TSPAN5: variants seen among roughly 807,000 people sequenced by gnomAD.
TSPAN5 encodes tetraspanin-5.
A neutral mutation model predicts 37.1 loss-of-function variants in TSPAN5; 10 were observed. The ratio of observed to expected loss-of-function variants is 0.27; its 90% CI spans 0.17 to 0.46. The LOEUF is 0.46. Among genes scored for constraint, TSPAN5 ranks in the 20% least tolerant of loss-of-function variants. The pLI, the probability that TSPAN5 is intolerant of heterozygous loss-of-function variation, is 1.00. For synonymous variants in TSPAN5, 110 were observed against 118.9 expected (o/e 0.93, Z 0.48); for missense variants, 195 against 326.6 (o/e 0.60, Z 3.11).
At chr4:98,548,019 A>G (rs1560532353) in intron 1 of TSPAN5, among the ~76,000 whole-genome samples, 1 of 130,872 alleles carries the variant, frequency 7.6e-6, no homozygotes, top group Admixed American at 7.9e-5. Context: ...CTCAAAAAAA[A>G]AAAAAAAAGA....
chr4:98,514,304 C>A (rs1753683253), intron 1 of TSPAN5, among the ~76,000 whole-genome samples: 1 of 152,168 alleles, frequency 6.6e-6, no homozygotes, highest in African/African-American at 2.4e-5. Context: ...TTTTCTGACA[C>A]TTTAGTCTGA....
chr4:98,648,809 A>T (rs1353963261), intron 1 of TSPAN5, among the ~76,000 whole-genome samples: 1 of 152,236 alleles, frequency 6.6e-6, no homozygotes, highest in East Asian at 1.9e-4. Flanking sequence ...AAAACAAGCT[A>T]AAGCTTCTCA....
intron 1 of TSPAN5, among the ~76,000 whole-genome samples, chr4:98,611,745 C>T (rs1020948469): frequency 6.6e-6 from 1 of 152,208 alleles, no homozygotes; most frequent in Admixed American, 6.5e-5. Flanking sequence ...TGAGGTTTGT[C>T]CCAGGCAGGG....
intron 1 of TSPAN5, among the ~76,000 whole-genome samples, chr4:98,600,284 G>A (rs544639765): frequency 6.6e-6 from 1 of 152,108 alleles, no homozygotes; most frequent in Non-Finnish European, 1.5e-5. Context: ...GGTTGGGGTG[G>A]CTGTGGCAAT....
At chr4:98,613,866 C>T (rs909719094) in intron 1 of TSPAN5, among the ~76,000 whole-genome samples, 3 of 152,032 alleles carry the variant, frequency 2.0e-5, no homozygotes, top group Non-Finnish European at 2.9e-5. Context: ...AAAGATTCCC[C>T]CCCCAAAATG....
At chr4:98,563,467 T>C (rs1754922421) in intron 1 of TSPAN5, among the ~76,000 whole-genome samples, 1 of 152,176 alleles carries the variant, frequency 6.6e-6, no homozygotes, top group African/African-American at 2.4e-5. Context: ...TGCTTTCTCA[T>C]GGACATCTCA....
chr4:98,578,173 C>A (rs1194246828), intron 1 of TSPAN5, among the ~76,000 whole-genome samples: 1 of 152,140 alleles, frequency 6.6e-6, no homozygotes, highest in African/African-American at 2.4e-5. Context: ...CAGGACACAG[C>A]CCAAGTCTCA....
At chr4:98,657,322 T>C (rs1757313461) in intron 1 of TSPAN5, among the ~76,000 whole-genome samples, 1 of 152,176 alleles carries the variant, frequency 6.6e-6, no homozygotes, top group South Asian at 2.1e-4. Context: ...ATTTGCTCTC[T>C]CGGTTCCCCA....
At chr4:98,529,870 G>C (rs1428959039) in intron 1 of TSPAN5, among the ~76,000 whole-genome samples, 1 of 152,156 alleles carries the variant, frequency 6.6e-6, no homozygotes, top group Non-Finnish European at 1.5e-5. Context: ...TTTTGGCTTT[G>C]AGACCAAAAA....
chr4:98,632,347 AC>A (rs1477715742), intron 1 of TSPAN5, among the ~76,000 whole-genome samples: 1 of 151,864 alleles, frequency 6.6e-6, no homozygotes, highest in African/African-American at 2.4e-5. Context: ...CTCCCCTCTG[AC>A]CCCCCGACCC....
rs146273158 is a variant in TSPAN5 at position 98,557,041 on chromosome 4, T to C, written c.82-49313A>G. Among the ~76,000 whole-genome samples the C allele has an allele frequency of 9.8e-5, 15 of 152,320 alleles. No homozygotes were observed. In the East Asian group the frequency reaches 1.9e-3, roughly 20 times the overall value. On this transcript the variant is annotated intron_variant, in intron 1 of 7. Transcript: ENST00000305798. The stretch of plus-strand genomic sequence containing the variant: ...CATAAATGTTAAACATGAAGTAGTT[T>C]AAACATTGACTAAACAGAAAATCTG...
intron 1 of TSPAN5, among the ~76,000 whole-genome samples, chr4:98,592,525 C>A (rs1385790695): frequency 6.9e-6 from 1 of 145,218 alleles, no homozygotes; most frequent in African/African-American, 2.6e-5. Flanking sequence ...CATGCTGGTG[C>A]GCTGCACCCA....
intron 1 of TSPAN5, among the ~76,000 whole-genome samples, chr4:98,551,417 CGT>C (rs1491544294): frequency 8.1e-5 from 6 of 73,874 alleles, no homozygotes; most frequent in African/African-American, 1.2e-4. Flanking sequence ...AGAATCCTCT[CGT>C]TTTTTTTTTT....
At chr4:98,506,350 A>T (rs1286961691) in intron 2 of TSPAN5, among the ~76,000 whole-genome samples, 3 of 152,208 alleles carry the variant, frequency 2.0e-5, no homozygotes, top group African/African-American at 7.2e-5. Flanking sequence ...TGGGAACTTA[A>T]TTTGTCTCCC....
chr4:98,517,062 G>A (rs1753751265), intron 1 of TSPAN5, among the ~76,000 whole-genome samples: 1 of 152,174 alleles, frequency 6.6e-6, no homozygotes. Flanking sequence ...CTGGTCCTAA[G>A]ACATAAATAA....
At chr4:98,555,975 G>A (rs974260416) in intron 1 of TSPAN5, among the ~76,000 whole-genome samples, 5 of 119,386 alleles carry the variant, frequency 4.2e-5, no homozygotes, top group African/African-American at 8.7e-5. Context: ...ACACACGCGC[G>A]CGCACACACA....
intron 2 of TSPAN5, among the ~76,000 whole-genome samples, chr4:98,499,896 G>A (rs1022114363): frequency 4.6e-5 from 7 of 151,904 alleles, no homozygotes; most frequent in East Asian, 3.9e-4. Flanking sequence ...TCCTGACCTC[G>A]TGATCTGCTC....
At chr4:98,491,202 C>A (rs1264842241) in intron 2 of TSPAN5, among the ~76,000 whole-genome samples, 1 of 152,206 alleles carries the variant, frequency 6.6e-6, no homozygotes, top group Non-Finnish European at 1.5e-5. Flanking sequence ...GAACACTTTA[C>A]ATCCACTCGG....
rs1180623052 is a variant in TSPAN5, at chr4:98,478,699, T to C, written c.562A>G (p.Thr188Ala). 1 of 1,614,202 alleles carries C rather than the reference T, an allele frequency of 6.2e-7. No individual in the cohort carries two copies. The highest frequency in any genetic ancestry group is 8.5e-7 in the Non-Finnish European group (1 of 1,180,032). ...CATTCACTTACTGCGGGATCTTTAGTGCAGCAGGAGAATGGAACGCCACAT... is the reference window on the plus strand; with the variant it reads ...CATTCACTTACTGCGGGATCTTTAGCGCAGCAGGAGAATGGAACGCCACAT... ...ERCGVPFSCC[T>A]KDPAEDVINT... Residue 188 changes from threonine to alanine, a missense_variant, in exon 5 of 8, where the codon ACT becomes GCT. Coordinates refer to ENST00000305798, the MANE Select transcript of TSPAN5 (RefSeq NM_005723.4).
Sources: allele counts gnomAD v4.1 joint callset (sites outside exome capture counted in the v4.1 genomes callset), GRCh38; gene constraint gnomAD v4.1.1; transcripts MANE v1.5; gene names NCBI Gene and HGNC (gene_info 2026-07-23, HGNC 2026-07-21).